GAD1: variants seen among roughly 807,000 people sequenced by gnomAD.
The protein encoded by GAD1 is glutamate decarboxylase 1.
Under a neutral mutation model 75.2 loss-of-function variants are expected in GAD1, and 35 were observed. That is an observed-to-expected ratio of 0.47 (90% CI 0.36 to 0.62). The LOEUF is 0.62. GAD1 is among the 20% of genes least tolerant of loss of function. GAD1 has a pLI of 0.00. For missense variants in GAD1, 490 were observed against 758.5 expected (o/e 0.65, Z 4.16); for synonymous variants, 257 against 271.9 (o/e 0.95, Z 0.54).
intron 6 of GAD1, among the ~76,000 whole-genome samples, chr2:170,840,193 C>T (rs1430888886): frequency 6.6e-6 from 1 of 152,200 alleles, no homozygotes; most frequent in Non-Finnish European, 1.5e-5. Flanking sequence ...AAAATGGCTC[C>T]AGTCCTAAGT....
chr2:170,847,424 T>C (rs557851812), intron 10 of GAD1, among the ~76,000 whole-genome samples: 2 of 152,372 alleles, frequency 1.3e-5, no homozygotes, highest in East Asian at 3.8e-4. Flanking sequence ...CTTTATCTGT[T>C]GTGCTCACTG....
At chr2:170,834,263 T>C (rs1046764003) in intron 5 of GAD1, among the ~76,000 whole-genome samples, 2 of 152,210 alleles carry the variant, frequency 1.3e-5, no homozygotes, top group Admixed American at 1.3e-4. Context: ...AATTTAAGCA[T>C]AGATAAGGAG....
chr2:170,844,054 T>C lies in GAD1; in HGVS notation c.648T>C (p.Tyr216=), dbSNP rs756971067. ...CTTACCACCTTTCCAGGTTTACATA[T>C]GAAATTGCACCAGTGTTTGTCCTCA... The part of the protein sequence containing the change: ...TSTANTNMFT[Y]EIAPVFVLME... The change falls in exon 7 of 17, where the codon TAT becomes TAC. Residue 216 remains tyrosine, a synonymous_variant. Transcript: ENST00000358196. 2 of 1,582,160 alleles carry C rather than the reference T, an allele frequency of 1.3e-6. No homozygotes were observed. Among genetic ancestry groups the C allele is most frequent in the Non-Finnish European group, 1.7e-6 (2 of 1,151,014 alleles).
intron 6 of GAD1, 43 bp from the exon 7 acceptor site, chr2:170,844,002 A>C: frequency 9.1e-7 from 1 of 1,103,688 alleles, no homozygotes; most frequent in Non-Finnish European, 1.4e-6. Context: ...AAGTGGTTTG[A>C]CTTCTTTATT....
chr2:170,842,478 A>G, intron 6 of GAD1: 1 of 1,140,468 alleles, frequency 8.8e-7, no homozygotes, highest in South Asian at 1.2e-5. Context: ...TTTGTTCAAG[A>G]ATGGTTAAAA....
intron 6 of GAD1, among the ~76,000 whole-genome samples, chr2:170,840,971 G>T (rs563614547): frequency 6.6e-6 from 1 of 152,284 alleles, no homozygotes; most frequent in East Asian, 1.9e-4. Flanking sequence ...CCTCCGGGAA[G>T]GTGAGTTGAA....
intron 14 of GAD1, among the ~76,000 whole-genome samples, 173 bp from the exon 15 acceptor site, chr2:170,856,845 T>C (rs1702864369): frequency 1.3e-5 from 2 of 152,184 alleles, no homozygotes; most frequent in Admixed American, 1.3e-4. Flanking sequence ...GCACACATCA[T>C]TTATTGCATG....
chr2:170,842,748 T>TCTACCAA, intron 6 of GAD1: 1 of 1,545,212 alleles, frequency 6.5e-7, no homozygotes, highest in Non-Finnish European at 8.7e-7. Flanking sequence ...ATAAAATACT[T>TCTACCAA]CTACCAACAT....
At chr2:170,814,233 C>G (rs1231435079), upstream of GAD1, among the ~76,000 whole-genome samples, 1 of 152,186 alleles carries the variant, frequency 6.6e-6, no homozygotes, top group Admixed American at 6.5e-5. Context: ...ACCTCACCCC[C>G]CAACTAGGCA....
chr2:170,815,504 G>A (rs550122688), upstream of GAD1, among the ~76,000 whole-genome samples: 1 of 152,262 alleles, frequency 6.6e-6, no homozygotes, highest in South Asian at 2.1e-4. Context: ...TAATATTTTT[G>A]TGTGTGTTTC....
intron 10 of GAD1, among the ~76,000 whole-genome samples, chr2:170,846,879 ACGCCTATAGTCCC>A (rs1450064505): frequency 2.0e-5 from 3 of 152,136 alleles, no homozygotes; most frequent in Non-Finnish European, 4.4e-5. Flanking sequence ...GTGGTGGTGC[ACGCCTATAGTCCC>A]AGCCACTCAG....
chr2:170,860,714 A>G lies in GAD1; in HGVS notation c.*832A>G, dbSNP rs1166310708. Reference sequence around the variant, plus strand: ...GTATTTTCGTGCATTTGTGAGCCAAAGAGAAAAGATTAAAATTAGTGAGAT... The same window carrying G: ...GTATTTTCGTGCATTTGTGAGCCAAGGAGAAAAGATTAAAATTAGTGAGAT... On this transcript the variant is annotated 3_prime_UTR_variant, in exon 17 of 17. Coordinates refer to ENST00000358196, the MANE Select transcript of GAD1 (RefSeq NM_000817.3). The G allele has an allele frequency of 6.5e-6, 1 of 152,682 alleles. No individual in the cohort carries two copies. Among genetic ancestry groups the G allele is most frequent in the South Asian group, 2.1e-4 (1 of 4,834 alleles). 9.5% of individuals were successfully genotyped at this position (152,682 alleles called of 1,614,324 possible).
intron 1 of GAD1, chr2:170,817,759 T>A (rs1701748022): frequency 6.6e-6 from 1 of 152,344 alleles, no homozygotes; most frequent in African/African-American, 2.4e-5. Context: ...TCTGGGGTCC[T>A]CAGGGGGCTA....
intron 6 of GAD1, among the ~76,000 whole-genome samples, chr2:170,838,341 T>G (rs531396936): frequency 6.6e-6 from 1 of 152,358 alleles, no homozygotes; most frequent in Non-Finnish European, 1.5e-5. Context: ...TGTACTGTGA[T>G]TTTTGAGATA....
At chr2:170,849,162 T>G in intron 11 of GAD1, 124 bp from the exon 12 acceptor site, 12 of 837,770 alleles carry the variant, frequency 1.4e-5, no homozygotes, top group Non-Finnish European at 2.2e-5. Context: ...TGAACTTTTC[T>G]GAGAAACTTA....
chr2:170,850,202 G>A (rs575569620), intron 12 of GAD1, among the ~76,000 whole-genome samples: 1 of 152,306 alleles, frequency 6.6e-6, no homozygotes, highest in Admixed American at 6.5e-5. Flanking sequence ...TATCAACTAA[G>A]AGATTTGTCC....
At chr2:170,816,270 A>C (rs3749035), upstream of GAD1, 54,131 of 152,244 alleles carry the variant, frequency 0.36, 10,211 homozygotes, top group Non-Finnish European at 0.43. Context: ...TGGTACTTTG[A>C]TGGGGCCCAG....
At chr2:170,822,208 C>T in intron 3 of GAD1, 59 bp downstream of exon 3, 1 of 1,399,756 alleles carries the variant, frequency 7.1e-7, no homozygotes, top group Non-Finnish European at 1.0e-6. Context: ...ACCTTTGGGG[C>T]TTGGGAGACT....
intron 6 of GAD1, chr2:170,842,724 T>C: frequency 1.3e-6 from 2 of 1,591,708 alleles, no homozygotes; most frequent in South Asian, 2.3e-5. Flanking sequence ...AAAATGGACA[T>C]ATTCTTTTTG....
Sources: gnomAD v4.1 joint callset for allele counts (sites outside exome capture counted in the v4.1 genomes callset) on GRCh38, gnomAD v4.1.1 for gene constraint, MANE v1.5 for transcripts, NCBI Gene and HGNC (gene_info 2026-07-23, HGNC 2026-07-21) for gene names.